Variants in KANSL1 observed in about 807,000 individuals in gnomAD.
KANSL1 encodes the protein MLL1/MLL complex subunit KANSL1.
Under a neutral mutation model 103.6 loss-of-function variants are expected in KANSL1, and 22 were observed. The ratio of observed to expected loss-of-function variants is 0.21; its 90% confidence interval spans 0.15 to 0.30. The LOEUF (loss-of-function observed/expected upper bound fraction) is 0.30. Among genes scored for constraint, KANSL1 ranks in the 10% least tolerant of loss-of-function variants. The pLI, the probability that KANSL1 is intolerant of heterozygous loss-of-function variation, is 1.00. For missense variants in KANSL1, 1,337 were observed against 1,399.8 expected (o/e 0.96, Z 0.72); for synonymous variants, 600 against 527.6 (o/e 1.14, Z -1.88).
At chr17:46,136,495 A>C (rs2044151220) in intron 2 of KANSL1, among the ~76,000 whole-genome samples, 1 of 152,274 alleles carries the variant, frequency 6.6e-6, no homozygotes, top group Non-Finnish European at 1.5e-5. Flanking sequence ...AATGATCCAG[A>C]AAAAGTAGAA....
chr17:46,192,135 C>G (rs541471640), intron 1 of KANSL1, among the ~76,000 whole-genome samples: 1 of 152,078 alleles, frequency 6.6e-6, no homozygotes, highest in African/African-American at 2.4e-5. Context: ...ATTGGGATTC[C>G]AACATTGGAA....
At position 46,050,295 on chromosome 17, in the gene KANSL1, C is replaced by T. The variant is rs1342633970; in HGVS notation, c.2020+238G>A. 3 of 562,290 alleles carry T rather than the reference C, an allele frequency of 5.3e-6. No individual in the cohort carries two copies. In the East Asian group the frequency reaches 8.6e-5, roughly 16 times the overall value. 34.8% of individuals were successfully genotyped at this position (562,290 alleles called of 1,614,324 possible). On this transcript the variant is annotated intron_variant, in intron 7 of 14. Transcript: ENST00000432791. Reference sequence around the variant, plus strand: ...GCTAGAGGCAACTGAGCCCAGATCCCTCCTAGCTACTTGAAGAGTTAGAAG... The same window carrying T: ...GCTAGAGGCAACTGAGCCCAGATCCTTCCTAGCTACTTGAAGAGTTAGAAG...
At chr17:46,198,525 A>C (rs1177137240), upstream of KANSL1, among the ~76,000 whole-genome samples, 1 of 150,992 alleles carries the variant, frequency 6.6e-6, no homozygotes, top group East Asian at 2.0e-4. Flanking sequence ...TGAGGCCTGG[A>C]GTCTGAGACC....
intron 2 of KANSL1, chr17:46,170,645 T>C: frequency 1.8e-6 from 1 of 559,984 alleles, no homozygotes; most frequent in Non-Finnish European, 3.0e-6. Context: ...TACCACCATT[T>C]AGACTACAAC....
chr17:46,180,259 G>A (rs2046721123), intron 1 of KANSL1, among the ~76,000 whole-genome samples: 1 of 152,080 alleles, frequency 6.6e-6, no homozygotes, highest in African/African-American at 2.4e-5. Flanking sequence ...ACTTTGGGAG[G>A]CTGAGGCGGG....
chr17:46,050,653 C>A lies in KANSL1; in HGVS notation c.1900G>T (p.Ala634Ser), dbSNP rs145938212. Residue 634 changes from alanine (A) to serine (S), a missense_variant, in exon 7 of 15, where the codon GCA (alanine) becomes TCA (serine). This residue lies in a region of KANSL1 where 780 missense variants were observed against 923.4 expected (regional missense o/e 0.84). Coordinates refer to ENST00000432791, the MANE Select transcript of KANSL1 (RefSeq NM_015443.4). ...TTGATGCTGCCTGAACCACACAGTGCGCAGGAGGGATTCACATCACAGCCA... is the reference window on the plus strand; with the variant it reads ...TTGATGCTGCCTGAACCACACAGTGAGCAGGAGGGATTCACATCACAGCCA... The part of the protein sequence containing the change: ...RPGCDVNPSC[A>S]LCGSGSINTM... 3 of 1,614,014 alleles carry A rather than the reference C, an allele frequency of 1.9e-6. No homozygotes were observed. Among genetic ancestry groups the A allele is most frequent in the East Asian group, 2.2e-5 (1 of 44,896 alleles).
intron 3 of KANSL1, among the ~76,000 whole-genome samples, chr17:46,091,816 T>TGTATGTATGTATGTATGTAGGTATGTAG (rs2079402566): frequency 1.3e-5 from 2 of 151,862 alleles, no homozygotes; most frequent in Non-Finnish European, 2.9e-5. Flanking sequence ...TATGTAAGTA[T>TGTATGTATGTATGTATGTAGGTATGTAG]GTATGTATGT....
rs1019061923 is a variant in KANSL1 at position 46,158,534 on chromosome 17, T to C, written c.1289+12321A>G. ...TGTGTCACCATGCCCAGCCAATTTT[T>C]GTATTTTTTGTTTTGTTTGTTTTTG... On this transcript the variant is annotated intron_variant, in intron 2 of 14. Transcript: ENST00000432791. Among the ~76,000 whole-genome samples the C allele has an allele frequency of 7.9e-5, 12 of 152,198 alleles. No individual in the cohort carries two copies. In the South Asian group the frequency reaches 2.5e-3, roughly 31 times the overall value.
In KANSL1 at chr17:46,171,369, C is replaced by T; in HGVS notation, c.775G>A (p.Gly259Arg). 6.2e-7 allele frequency: 1 copy of T among 1,614,140 alleles called. No homozygotes were observed. The highest frequency in any genetic ancestry group is 8.5e-7 in the Non-Finnish European group (1 of 1,180,034). ...SPGTDSSSNL[G>R]GVKLEGKKSP... ...TTTTTACCCTCCAATTTGACACCCC[C>T]CAAGTTAGAGCTGGAGTCTGTACCA... The change falls in exon 2 of 15, where the codon GGG (glycine) becomes AGG (arginine). Residue 259 changes from glycine (G) to arginine (R), a missense_variant. By Grantham distance (125) the Gly-to-Arg change is moderately radical. Transcript: ENST00000432791.
At chr17:46,119,067 C>A (rs1178384107) in intron 2 of KANSL1, among the ~76,000 whole-genome samples, 2 of 152,246 alleles carry the variant, frequency 1.3e-5, no homozygotes, top group African/African-American at 4.8e-5. Flanking sequence ...TTTGCTTTCT[C>A]CAGCTGGATC....
chr17:46,168,273 TAA>T (rs1156693101), intron 2 of KANSL1, among the ~76,000 whole-genome samples: 1 of 152,222 alleles, frequency 6.6e-6, no homozygotes, highest in Non-Finnish European at 1.5e-5. Flanking sequence ...ATACCAGCCT[TAA>T]GAGTCAACCC....
chr17:46,169,938 C>T lies in KANSL1; in HGVS notation c.1289+917G>A, dbSNP rs555757881. 1.1e-3 allele frequency among the ~76,000 whole-genome samples: 164 copies of T among 152,230 alleles called. 1 individual carries two copies. The highest frequency in any genetic ancestry group is 3.7e-3 in the African/African-American group (155 of 41,510). ...ACGAGGTCAGGAGTTTGAGGCCAGCCTGGTCGACACGGTGAAACTCAGTCT... is the reference window on the plus strand; with the variant it reads ...ACGAGGTCAGGAGTTTGAGGCCAGCTTGGTCGACACGGTGAAACTCAGTCT... On this transcript the variant is annotated intron_variant, in intron 2 of 14. Transcript: ENST00000432791.
intron 2 of KANSL1, among the ~76,000 whole-genome samples, chr17:46,129,938 C>T (rs1287178038): frequency 6.6e-6 from 1 of 152,056 alleles, no homozygotes; most frequent in Non-Finnish European, 1.5e-5. Flanking sequence ...GTAATTCTAG[C>T]ACTTTGGGAG....
At chr17:46,147,269 G>A (rs1191087955) in intron 2 of KANSL1, among the ~76,000 whole-genome samples, 1 of 152,172 alleles carries the variant, frequency 6.6e-6, no homozygotes, top group Non-Finnish European at 1.5e-5. Context: ...GCTGTAAAGA[G>A]AAGGAGGTGA....
At position 46,031,512 on chromosome 17, in the gene KANSL1, C is replaced by T. The variant is rs1482732967; in HGVS notation, c.3282G>A (p.Val1094=). 1.2e-6 allele frequency: 2 copies of T among 1,613,390 alleles called. No individual in the cohort carries two copies. The highest frequency in any genetic ancestry group is 2.7e-5 in the African/African-American group (2 of 74,932). The change falls in exon 15 of 15, where the codon GTG becomes GTA. Residue 1094 remains valine, a synonymous_variant. Coordinates refer to ENST00000432791, the MANE Select transcript of KANSL1 (RefSeq NM_015443.4). ...PIVPLKSRHL[V]AAATAQRPTH... is the part of the protein sequence containing the mutation. ...TCGGGCGCTGAGCTGTGGCTGCTGCCACCAGATGCCGACTCTTGAGGGGGA... is the reference window on the plus strand; with the variant it reads ...TCGGGCGCTGAGCTGTGGCTGCTGCTACCAGATGCCGACTCTTGAGGGGGA...
intron 2 of KANSL1, among the ~76,000 whole-genome samples, chr17:46,117,103 T>C (rs1161381267): frequency 6.6e-6 from 1 of 152,206 alleles, no homozygotes. Flanking sequence ...CCCTCAAATC[T>C]GAGGGAGCTT....
intron 2 of KANSL1, among the ~76,000 whole-genome samples, chr17:46,139,990 T>G (rs889204055): frequency 6.6e-6 from 1 of 152,220 alleles, no homozygotes; most frequent in Non-Finnish European, 1.5e-5. Context: ...TTCTATTTTT[T>G]ACTACACCAA....
At chr17:46,126,866 C>A (rs1003931914) in intron 2 of KANSL1, among the ~76,000 whole-genome samples, 1 of 152,102 alleles carries the variant, frequency 6.6e-6, no homozygotes, top group East Asian at 1.9e-4. Context: ...TACCACTCAA[C>A]AAAAATTTGC....
At chr17:46,157,293 C>T (rs1004912867) in intron 2 of KANSL1, among the ~76,000 whole-genome samples, 1 of 152,194 alleles carries the variant, frequency 6.6e-6, no homozygotes, top group East Asian at 1.9e-4. Context: ...GGCCAGCCTG[C>T]TAGGAAACAC....
Sources: allele counts gnomAD v4.1 joint callset (sites outside exome capture counted in the v4.1 genomes callset), GRCh38; gene constraint gnomAD v4.1.1; regional missense constraint gnomAD v4.1.1; transcripts MANE v1.5; gene names NCBI Gene and HGNC (gene_info 2026-07-23, HGNC 2026-07-21).